The following IGLL5 variants were observed in gnomAD, a reference collection of about 807,000 sequenced individuals.
The protein encoded by IGLL5 is immunoglobulin lambda like polypeptide 5.
A neutral mutation model predicts 20.9 loss-of-function variants in IGLL5; 30 were observed. The ratio of observed to expected loss-of-function variants is 1.44; its 90% confidence interval spans 1.07 to 1.95. The LOEUF (loss-of-function observed/expected upper bound fraction) is 1.95, where lower values mean the gene tolerates loss of function less well. IGLL5 is among the 30% of genes most tolerant of loss of function. IGLL5 has a pLI of 0.00. For missense variants in IGLL5, 475 were observed against 270.7 expected (o/e 1.75, Z -5.30); for synonymous variants, 203 against 117.3 (o/e 1.73, Z -4.72).
At chr22:22,888,796 G>T (rs2067648095) in intron 1 of IGLL5, among the ~76,000 whole-genome samples, 1 of 151,444 alleles carries the variant, frequency 6.6e-6, no homozygotes, top group South Asian at 2.1e-4. Flanking sequence ...AGGGTGGGAT[G>T]AACCGAGGGG....
At chr22:22,890,866 T>A in intron 1 of IGLL5, among the ~76,000 whole-genome samples, 1 of 151,278 alleles carries the variant, frequency 6.6e-6, no homozygotes, top group East Asian at 2.0e-4. Flanking sequence ...GGTGAAATTA[T>A]TTTTTATATT....
At chr22:22,894,028 C>G (rs2067970066) in intron 2 of IGLL5, among the ~76,000 whole-genome samples, 1 of 149,960 alleles carries the variant, frequency 6.7e-6, no homozygotes, top group South Asian at 2.2e-4. Context: ...GCAGCCTGGT[C>G]CCGGGGCCTG....
intron 1 of IGLL5, 102 bp downstream of exon 1, chr22:22,888,361 C>T (rs548556377): frequency 1.0e-5 from 11 of 1,075,030 alleles, no homozygotes; most frequent in Middle Eastern, 3.1e-4. Flanking sequence ...GAAGGTTAAC[C>T]CCTAAGAGGG....
In IGLL5 at chr22:22,896,036, T is replaced by C; in HGVS notation, c.*342T>C. 2.1e-6 allele frequency: 1 copy of C among 480,800 alleles called. No homozygotes were observed. Among genetic ancestry groups the C allele is most frequent in the Non-Finnish European group, 3.8e-6 (1 of 263,992 alleles). 29.8% of individuals were successfully genotyped at this position (480,800 alleles called of 1,614,324 possible). ...CTCCACTGTACCCCTGAGCTACCAGTCTGGCATCAGTTCAGACCAGTCCCA... is the reference window on the plus strand; with the variant it reads ...CTCCACTGTACCCCTGAGCTACCAGCCTGGCATCAGTTCAGACCAGTCCCA... On this transcript the variant is annotated 3_prime_UTR_variant, in exon 3 of 3. Transcript: ENST00000526893.
At position 22,888,143 on chromosome 22, in the gene IGLL5, T is replaced by G. The variant is rs776903072; in HGVS notation, c.90T>G (p.Gly30=). The G allele has an allele frequency of 2.6e-6, 4 of 1,549,590 alleles. No homozygotes were observed. The highest frequency in any genetic ancestry group is 2.5e-5 in the East Asian group (1 of 40,686). ...PRQRWPLLLL[G]LAMVAHGLLR... is the part of the protein sequence containing the mutation. ...AGCGCTGGCCCCTGCTGCTGCTGGG[T>G]CTGGCCATGGTCGCCCATGGCCTGC... The change falls in exon 1 of 3, where the codon GGT becomes GGG. Residue 30 remains glycine (G), a synonymous_variant. Transcript: ENST00000526893.
intron 2 of IGLL5, among the ~76,000 whole-genome samples, chr22:22,894,093 G>C (rs1293512207): frequency 7.9e-5 from 12 of 151,382 alleles, no homozygotes; most frequent in Middle Eastern, 3.8e-3. Flanking sequence ...AGATGTCTGA[G>C]TGAGGGACAG....
chr22:22,894,594 T>A (rs541662314), intron 2 of IGLL5, among the ~76,000 whole-genome samples: 3 of 151,278 alleles, frequency 2.0e-5, no homozygotes, highest in Admixed American at 6.6e-5. Flanking sequence ...ACTCAGGAAA[T>A]GACCAGAGGG....
chr22:22,888,504 T>C (rs186761726), intron 1 of IGLL5, among the ~76,000 whole-genome samples: 4 of 151,420 alleles, frequency 2.6e-5, no homozygotes, highest in East Asian at 2.0e-4. Context: ...CACTTAAATT[T>C]TCACCAGGGT....
intron 1 of IGLL5, among the ~76,000 whole-genome samples, chr22:22,888,923 T>C (rs186745993): frequency 4.6e-5 from 7 of 151,140 alleles, no homozygotes; most frequent in East Asian, 4.1e-4. Flanking sequence ...CACTGGCTGG[T>C]GATGGGTGCC....
chr22:22,887,824 T>C lies in IGLL5; in HGVS notation c.-230T>C, dbSNP rs2067550591. The C allele has an allele frequency of 6.7e-6, 4 of 599,870 alleles. No individual in the cohort carries two copies. Among genetic ancestry groups the C allele is most frequent in the Admixed American group, 2.9e-5 (1 of 34,286 alleles). 37.2% of individuals were successfully genotyped at this position (599,870 alleles called of 1,614,324 possible). A position where few individuals can be genotyped will look rare whatever the true frequency, so the allele number is the denominator to read the frequency against. Reference sequence around the variant, plus strand: ...CAGTTGAGCCCTGGATTGTGACCGCTTCAGGGCAGTTGGTAGATGCCCCTC... The same window carrying C: ...CAGTTGAGCCCTGGATTGTGACCGCCTCAGGGCAGTTGGTAGATGCCCCTC... On this transcript the variant is annotated 5_prime_UTR_variant, in exon 1 of 3. Coordinates refer to ENST00000526893, the MANE Select transcript of IGLL5 (RefSeq NM_001178126.2).
At chr22:22,888,568 G>A (rs561198595) in intron 1 of IGLL5, among the ~76,000 whole-genome samples, 2 of 151,406 alleles carry the variant, frequency 1.3e-5, no homozygotes, top group East Asian at 4.1e-4. Flanking sequence ...AACAGAGGCA[G>A]GGACAGGACA....
chr22:22,888,852 A>T (rs529831866), intron 1 of IGLL5, among the ~76,000 whole-genome samples: 2 of 151,346 alleles, frequency 1.3e-5, no homozygotes, highest in Admixed American at 6.6e-5. Context: ...GTTTGGAGCA[A>T]TAAAGGGAGA....
At chr22:22,893,914 C>A (rs1601621746) in intron 2 of IGLL5, 96 bp downstream of exon 2, 3 of 862,120 alleles carry the variant, frequency 3.5e-6, no homozygotes, top group African/African-American at 1.7e-5. Flanking sequence ...TCTGTCCTCC[C>A]AGCCTTAAGC....
chr22:22,893,606 C>T (rs1404575863), intron 1 of IGLL5, 94 bp from the exon 2 acceptor site: 4 of 701,602 alleles, frequency 5.7e-6, no homozygotes, highest in African/African-American at 5.4e-5. Context: ...AGCAGACAGG[C>T]ACAGGGACAC....
intron 1 of IGLL5, among the ~76,000 whole-genome samples, chr22:22,888,567 A>T (rs544411134): frequency 3.3e-5 from 5 of 151,396 alleles, no homozygotes; most frequent in East Asian, 2.0e-4. Context: ...GAACAGAGGC[A>T]GGGACAGGAC....
At chr22:22,888,874 T>C (rs2067659235) in intron 1 of IGLL5, among the ~76,000 whole-genome samples, 2 of 151,400 alleles carry the variant, frequency 1.3e-5, no homozygotes, top group East Asian at 2.0e-4. Context: ...GGGATCTCCC[T>C]CTGGGATGAT....
intron 2 of IGLL5, among the ~76,000 whole-genome samples, chr22:22,894,211 C>T (rs1601624589): frequency 3.3e-5 from 5 of 151,346 alleles, no homozygotes; most frequent in South Asian, 2.1e-4. Context: ...TGCTGAGTCT[C>T]ATAGTCTAGG....
intron 2 of IGLL5, among the ~76,000 whole-genome samples, 193 bp from the exon 3 acceptor site, chr22:22,895,182 T>C (rs1002546071): frequency 4.6e-5 from 7 of 151,058 alleles, no homozygotes; most frequent in Non-Finnish European, 8.8e-5. Flanking sequence ...TTGGGAGGGC[T>C]CCTAGGAAGG....
intron 1 of IGLL5, among the ~76,000 whole-genome samples, chr22:22,888,807 A>G (rs1296160013): frequency 2.0e-5 from 3 of 151,378 alleles, no homozygotes; most frequent in South Asian, 2.1e-4. Context: ...AACCGAGGGG[A>G]GCTGTCCAGT....
Sources: gnomAD v4.1 joint callset for allele counts (sites outside exome capture counted in the v4.1 genomes callset) on GRCh38, gnomAD v4.1.1 for gene constraint, MANE v1.5 for transcripts, NCBI Gene and HGNC (gene_info 2026-07-23, HGNC 2026-07-21) for gene names.